RIN2: variants seen among roughly 807,000 people sequenced by gnomAD.
RIN2 encodes RAB5 interacting protein 2.
RIN2 carries 36 observed loss-of-function variants against 78.0 expected under a neutral mutation model. The observed-to-expected ratio is 0.46, with a 90% confidence interval of 0.35 to 0.61. The LOEUF is 0.61. Among genes scored for constraint, RIN2 ranks in the 20% least tolerant of loss-of-function variants. The pLI, the probability that RIN2 is intolerant of heterozygous loss-of-function variation, is 0.00. For synonymous variants in RIN2, 466 were observed against 466.8 expected (o/e 1.00, Z 0.02); for missense variants, 1,087 against 1,159.7 (o/e 0.94, Z 0.91).
intron 2 of RIN2, among the ~76,000 whole-genome samples, chr20:19,875,113 G>A (rs868340918): frequency 1.3e-5 from 2 of 151,578 alleles, no homozygotes; most frequent in South Asian, 2.1e-4. Context: ...CACCCACCTC[G>A]GTCCCCCAAA....
chr20:19,905,973 G>A (rs1363833288), intron 3 of RIN2, among the ~76,000 whole-genome samples: 1 of 151,538 alleles, frequency 6.6e-6, no homozygotes, highest in African/African-American at 2.4e-5. Context: ...AGTCTTGAGT[G>A]TAGGTAGCAG....
At chr20:19,862,181 G>A (rs767101842) in intron 2 of RIN2, among the ~76,000 whole-genome samples, 5 of 152,198 alleles carry the variant, frequency 3.3e-5, no homozygotes, top group Non-Finnish European at 7.3e-5. Flanking sequence ...ATATGCATAT[G>A]ATACATAAAC....
chr20:19,996,229 G>A (rs779382540), intron 11 of RIN2, among the ~76,000 whole-genome samples: 24 of 152,126 alleles, frequency 1.6e-4, no homozygotes, highest in Non-Finnish European at 2.9e-4. Context: ...TGGGAGCGTC[G>A]CTTGAACCTG....
At chr20:19,959,455 C>T (rs987808309) in intron 5 of RIN2, among the ~76,000 whole-genome samples, 3 of 152,152 alleles carry the variant, frequency 2.0e-5, no homozygotes, top group Non-Finnish European at 4.4e-5. Context: ...CACTGACTCC[C>T]AGAACCTGCT....
At chr20:19,810,893 A>G (rs1298143234) in intron 2 of RIN2, among the ~76,000 whole-genome samples, 1 of 138,036 alleles carries the variant, frequency 7.2e-6, no homozygotes, top group Non-Finnish European at 1.6e-5. Context: ...TTTTTTTTTT[A>G]GTAGAGACAG....
chr20:19,920,706 C>T (rs573766209), intron 3 of RIN2, among the ~76,000 whole-genome samples: 4 of 152,324 alleles, frequency 2.6e-5, no homozygotes, highest in South Asian at 4.1e-4. Context: ...GACAGAGTCT[C>T]GCTGTGTTGC....
At chr20:19,976,793 G>A (rs2042291446) in intron 9 of RIN2, among the ~76,000 whole-genome samples, 2 of 152,124 alleles carry the variant, frequency 1.3e-5, no homozygotes, top group South Asian at 4.1e-4. Flanking sequence ...TCCATTTGTT[G>A]AAAGTAGTAA....
chr20:19,854,091 T>C (rs2037082222), intron 2 of RIN2, among the ~76,000 whole-genome samples: 1 of 152,206 alleles, frequency 6.6e-6, no homozygotes, highest in Admixed American at 6.5e-5. Flanking sequence ...TTCAGCTTTC[T>C]ACATATGGCT....
intron 1 of RIN2, among the ~76,000 whole-genome samples, chr20:19,785,510 T>A (rs1220948703): frequency 3.3e-5 from 5 of 152,188 alleles, no homozygotes; most frequent in African/African-American, 1.2e-4. Flanking sequence ...AGGCAGGACA[T>A]CCTTTCAGTG....
intron 1 of RIN2, among the ~76,000 whole-genome samples, chr20:19,760,482 C>T (rs1215378155): frequency 3.9e-5 from 6 of 152,072 alleles, no homozygotes; most frequent in African/African-American, 7.2e-5. Flanking sequence ...AAGATAACTT[C>T]GCAGCAGCAC....
chr20:19,879,819 A>G (rs754927580), intron 2 of RIN2, among the ~76,000 whole-genome samples: 3 of 152,236 alleles, frequency 2.0e-5, no homozygotes, highest in Non-Finnish European at 4.4e-5. Flanking sequence ...TAGAGAATAA[A>G]GTAGGTTTGT....
intron 1 of RIN2, among the ~76,000 whole-genome samples, chr20:19,790,175 C>T (rs1412197765): frequency 2.0e-5 from 3 of 152,018 alleles, no homozygotes; most frequent in Non-Finnish European, 4.4e-5. Context: ...TCTAGTAATT[C>T]TTCAACTGCC....
chr20:19,896,843 TAAAAGG>T (rs2038752099), intron 3 of RIN2, among the ~76,000 whole-genome samples: 1 of 152,174 alleles, frequency 6.6e-6, no homozygotes, highest in African/African-American at 2.4e-5. Context: ...TTTAAAACTT[TAAAAGG>T]AAAACAAGTG....
intron 1 of RIN2, among the ~76,000 whole-genome samples, chr20:19,786,425 A>C (rs1193997844): frequency 6.6e-6 from 1 of 152,152 alleles, no homozygotes; most frequent in Non-Finnish European, 1.5e-5. Flanking sequence ...ACATGAAGAA[A>C]GAGAGAGATA....
chr20:19,910,567 G>T (rs1319463926), intron 3 of RIN2, among the ~76,000 whole-genome samples: 1 of 134,304 alleles, frequency 7.4e-6, no homozygotes, highest in Non-Finnish European at 1.6e-5. Flanking sequence ...GAGAGGAAGT[G>T]AACTTTTTTT....
At chr20:19,942,733 T>C (rs1387009560) in intron 4 of RIN2, among the ~76,000 whole-genome samples, 1 of 152,220 alleles carries the variant, frequency 6.6e-6, no homozygotes, top group Admixed American at 6.5e-5. Context: ...TTCCTAGAAA[T>C]TGATTCTGTT....
At chr20:19,840,471 C>A (rs532659964) in intron 2 of RIN2, among the ~76,000 whole-genome samples, 118 of 152,292 alleles carry the variant, frequency 7.7e-4, no homozygotes, top group African/African-American at 2.7e-3. Context: ...TTTTAAAGCG[C>A]AAACACACAT....
intron 1 of RIN2, among the ~76,000 whole-genome samples, chr20:19,764,503 G>A (rs990439972): frequency 6.6e-6 from 1 of 152,192 alleles, no homozygotes. Flanking sequence ...GAACCTAAAC[G>A]CTCATCATCT....
chr20:19,916,389 C>A (rs539984028), intron 3 of RIN2, among the ~76,000 whole-genome samples: 1 of 152,314 alleles, frequency 6.6e-6, no homozygotes, highest in African/African-American at 2.4e-5. Context: ...GAAACCAAAG[C>A]GGGAGGATTG....
Sources: allele counts gnomAD v4.1 joint callset (sites outside exome capture counted in the v4.1 genomes callset), GRCh38; gene constraint gnomAD v4.1.1; transcripts MANE v1.5; gene names NCBI Gene and HGNC (gene_info 2026-07-23, HGNC 2026-07-21).